Variants in GAD1 observed in about 807,000 individuals in gnomAD.
GAD1 encodes the protein glutamate decarboxylase 1, also known as 67 kDa glutamic acid decarboxylase.
Under a neutral mutation model 75.2 loss-of-function variants are expected in GAD1, and 35 were observed. That is an observed-to-expected ratio of 0.47 (90% CI 0.36 to 0.62). The LOEUF (loss-of-function observed/expected upper bound fraction) is 0.62. Among genes scored for constraint, GAD1 ranks in the 20% least tolerant of loss-of-function variants. GAD1 has a pLI of 0.00. For missense variants in GAD1, 490 were observed against 758.5 expected (o/e 0.65, Z 4.16); for synonymous variants, 257 against 271.9 (o/e 0.95, Z 0.54).
chr2:170,829,460 C>A lies in GAD1; in HGVS notation c.146-15C>A, dbSNP rs751440255. 2.5e-6 allele frequency: 4 copies of A among 1,612,274 alleles called. No homozygotes were observed. The highest frequency in any genetic ancestry group is 1.7e-5 in the Admixed American group (1 of 60,026). On this transcript the variant is annotated splice_polypyrimidine_tract_variant and intron_variant, in intron 3 of 16. Transcript: ENST00000358196. ...AGTTTGCAGCACTCTCTCTGACCAG[C>A]TTCTTGTGCCATAGGCTTCTTGCAA...
chr2:170,855,872 C>CA (rs71008727), intron 14 of GAD1, among the ~76,000 whole-genome samples: 15,557 of 108,268 alleles, frequency 0.14, 1,617 homozygotes, highest in Non-Finnish European at 0.18. Flanking sequence ...GACTCCATCT[C>CA]AAAAAAAAAA....
chr2:170,831,774 ATAT>A (rs1390745985), intron 5 of GAD1, among the ~76,000 whole-genome samples: 1 of 145,350 alleles, frequency 6.9e-6, no homozygotes, highest in Non-Finnish European at 1.5e-5. Flanking sequence ...TTTATATATA[ATAT>A]TTATATTATA....
chr2:170,852,899 T>C (rs1030987371), intron 13 of GAD1, 107 bp downstream of exon 13: 1 of 940,910 alleles, frequency 1.1e-6, no homozygotes, highest in Admixed American at 1.9e-5. Flanking sequence ...CTCACGAGAT[T>C]GGCAGCCCCA....
chr2:170,857,261 T>G (rs1332755145), intron 15 of GAD1, 136 bp downstream of exon 15: 1 of 659,686 alleles, frequency 1.5e-6, no homozygotes, highest in Non-Finnish European at 2.7e-6. Flanking sequence ...TCTTATACAC[T>G]CTTAATTCCT....
intron 13 of GAD1, 99 bp downstream of exon 13, chr2:170,852,891 C>G (rs2105808182): frequency 9.7e-6 from 10 of 1,033,278 alleles, no homozygotes; most frequent in Non-Finnish European, 1.5e-5. Context: ...TTGGCTGACT[C>G]ACGAGATTGG....
intron 11 of GAD1, chr2:170,848,960 G>A (rs1702695282): frequency 2.3e-6 from 1 of 435,370 alleles, no homozygotes; most frequent in South Asian, 1.9e-5. Context: ...ACCCGGAGGG[G>A]GACTCACTGT....
intron 3 of GAD1, among the ~76,000 whole-genome samples, chr2:170,822,963 A>G (rs928571363): frequency 1.3e-5 from 2 of 152,240 alleles, no homozygotes; most frequent in Admixed American, 6.5e-5. Flanking sequence ...GAGGGTCTGA[A>G]ATGAAAACGC....
intron 12 of GAD1, chr2:170,852,436 T>C (rs1180198969): frequency 2.2e-6 from 1 of 462,200 alleles, no homozygotes; most frequent in South Asian, 2.2e-5. Flanking sequence ...CCATACCATA[T>C]TGATATAATA....
chr2:170,824,074 CCCCA>C (rs1317457912), intron 3 of GAD1, among the ~76,000 whole-genome samples: 1 of 152,152 alleles, frequency 6.6e-6, no homozygotes, highest in Non-Finnish European at 1.5e-5. Flanking sequence ...ACTCCCCCTC[CCCCA>C]CTGTCAGCCG....
At chr2:170,855,734 G>A (rs767612999) in intron 14 of GAD1, among the ~76,000 whole-genome samples, 5 of 151,712 alleles carry the variant, frequency 3.3e-5, no homozygotes, top group Non-Finnish European at 7.4e-5. Flanking sequence ...TTAGTCAGGT[G>A]TGATGACGCA....
chr2:170,845,575 A>C lies in GAD1; in HGVS notation c.821A>C (p.Lys274Thr). 6.2e-7 allele frequency: 1 copy of C among 1,614,150 alleles called. No homozygotes were observed. Among genetic ancestry groups the C allele is most frequent in the East Asian group, 2.2e-5 (1 of 44,874 alleles). Residue 274 changes from lysine to threonine, a missense_variant, in exon 8 of 17, where the codon AAG becomes ACG. Lys to Thr is a moderately conservative substitution (Grantham distance 78, BLOSUM62 -1). Transcript: ENST00000358196. ...RYKYFPEVKT[K>T]GMAAVPKLVL... ...AAGTACTTCCCGGAAGTTAAGACAAAGGGCATGGCGGCTGTGCCTAAACTG... is the reference window on the plus strand; with the variant it reads ...AAGTACTTCCCGGAAGTTAAGACAACGGGCATGGCGGCTGTGCCTAAACTG...
rs1324793682 is a variant in GAD1 at position 170,853,556 on chromosome 2, A to T, written c.1264-317A>T. On this transcript the variant is annotated intron_variant, in intron 13 of 16. Coordinates refer to ENST00000358196, the MANE Select transcript of GAD1 (RefSeq NM_000817.3). The surrounding 1 kb of genome is among the most constrained non-coding windows in gnomAD (Gnocchi z 4.1). ...ACCCACTGAGGAATTTTCTATCTCT[A>T]ACCCTGGCCCACTGAATGCCGTAGC... 1 of 345,098 alleles carries T rather than the reference A, an allele frequency of 2.9e-6. No homozygotes were observed. Among genetic ancestry groups the T allele is most frequent in the East Asian group, 6.6e-5 (1 of 15,194 alleles). 21.4% of individuals were successfully genotyped at this position (345,098 alleles called of 1,614,324 possible). A position where few individuals can be genotyped will look rare whatever the true frequency, so the allele number is the denominator to read the frequency against.
chr2:170,819,047 GA>G (rs966018043), intron 2 of GAD1, among the ~76,000 whole-genome samples: 1 of 152,158 alleles, frequency 6.6e-6, no homozygotes, highest in Non-Finnish European at 1.5e-5. Context: ...GCAGGAATAA[GA>G]GTTTTCAGTC....
intron 10 of GAD1, among the ~76,000 whole-genome samples, chr2:170,846,363 C>A (rs373356011): frequency 3.3e-5 from 5 of 152,284 alleles, no homozygotes; most frequent in African/African-American, 9.6e-5. Context: ...GAAGATATAG[C>A]CTAATTGAAC....
intron 5 of GAD1, among the ~76,000 whole-genome samples, chr2:170,832,722 G>A (rs1326107980): frequency 6.6e-6 from 1 of 151,018 alleles, no homozygotes; most frequent in African/African-American, 2.4e-5. Flanking sequence ...TCATTCTACT[G>A]CAACTTCTGG....
At chr2:170,815,266 C>T (rs544099672), upstream of GAD1, among the ~76,000 whole-genome samples, 3 of 152,270 alleles carry the variant, frequency 2.0e-5, no homozygotes, top group East Asian at 1.9e-4. Context: ...CCTCAGTGCC[C>T]GGGGCTGCAG....
rs756748171 is a variant in GAD1, at chr2:170,859,994, A to G, written c.*112A>G. Reference sequence around the variant, plus strand: ...GGCCATTTCATTGAGGGAAAACATAATATCTTGAAGAATATTGTTAAAACC... The same window carrying G: ...GGCCATTTCATTGAGGGAAAACATAGTATCTTGAAGAATATTGTTAAAACC... On this transcript the variant is annotated 3_prime_UTR_variant, in exon 17 of 17. Coordinates refer to ENST00000358196, the MANE Select transcript of GAD1 (RefSeq NM_000817.3). 1.1e-5 allele frequency: 11 copies of G among 960,282 alleles called. No individual in the cohort carries two copies. The highest frequency in any genetic ancestry group is 1.8e-5 in the Non-Finnish European group (11 of 610,630). The allele number at this position is 960,282 out of a possible 1,614,324, so 59.5% of individuals were successfully genotyped here. A position where few individuals can be genotyped will look rare whatever the true frequency, so the allele number is the denominator to read the frequency against.
At chr2:170,815,429 C>T (rs991153768), upstream of GAD1, among the ~76,000 whole-genome samples, 5 of 152,252 alleles carry the variant, frequency 3.3e-5, no homozygotes, top group Non-Finnish European at 5.9e-5. Flanking sequence ...ATCCCTCTTG[C>T]TGATCAGGCC....
intron 14 of GAD1, among the ~76,000 whole-genome samples, chr2:170,855,925 C>A (rs528831137): frequency 6.6e-6 from 1 of 150,492 alleles, no homozygotes; most frequent in South Asian, 2.1e-4. Context: ...AAAAAGGAGT[C>A]GTGTCATTTT....
Sources: gnomAD v4.1 joint callset for allele counts (sites outside exome capture counted in the v4.1 genomes callset) on GRCh38, gnomAD v4.1.1 for gene constraint, Gnocchi (gnomAD v3.1) non-coding constraint, MANE v1.5 for transcripts, NCBI Gene and HGNC (gene_info 2026-07-23, HGNC 2026-07-21) for gene names.